The following IL7 variants were observed in gnomAD, a reference collection of about 807,000 sequenced individuals.
IL7 encodes the protein interleukin-7.
A neutral mutation model predicts 21.6 loss-of-function variants in IL7; 3 were observed. That is an observed-to-expected ratio of 0.14 (90% CI 0.06 to 0.36). The LOEUF (loss-of-function observed/expected upper bound fraction) is 0.36, where lower values mean the gene tolerates loss of function less well. Among genes scored for constraint, IL7 ranks in the 10% least tolerant of loss-of-function variants. The pLI is 1.00. For synonymous variants in IL7, 62 were observed against 68.1 expected (o/e 0.91, Z 0.44); for missense variants, 175 against 200.2 (o/e 0.87, Z 0.76).
At chr8:78,702,049 T>A (rs1810623379) in intron 3 of IL7, among the ~76,000 whole-genome samples, 1 of 152,192 alleles carries the variant, frequency 6.6e-6, no homozygotes, top group African/African-American at 2.4e-5. Flanking sequence ...GTAGGAATTG[T>A]ACCAGTTCTT....
At position 78,759,024 on chromosome 8, in the gene IL7, T is replaced by G. The variant is rs916710622; in HGVS notation, c.148-18942A>C. Among the ~76,000 whole-genome samples the G allele has an allele frequency of 1.5e-4, 23 of 151,790 alleles. 1 individual carries two copies. Among genetic ancestry groups the G allele is most frequent in the Admixed American group, 1.5e-3 (23 of 15,238 alleles). The stretch of plus-strand genomic sequence containing the variant: ...TTGCTTTATGGTGTCCTATATGTCA[T>G]TAGGCTTTCTTCATTCTCTTTTATT... On this transcript the variant is annotated intron_variant, in intron 2 of 5. Transcript: ENST00000263851.
At chr8:78,699,840 G>A (rs1320845142) in intron 3 of IL7, among the ~76,000 whole-genome samples, 2 of 152,046 alleles carry the variant, frequency 1.3e-5, no homozygotes, top group African/African-American at 2.4e-5. Context: ...TGGTGTTTAT[G>A]TACTATATTT....
At chr8:78,676,329 T>C (rs1336902659) in intron 4 of IL7, among the ~76,000 whole-genome samples, 1 of 151,964 alleles carries the variant, frequency 6.6e-6, no homozygotes, top group Non-Finnish European at 1.5e-5. Context: ...TCAGCTCTTA[T>C]TTATGTTTGA....
chr8:78,781,281 C>T (rs928898319), intron 2 of IL7, among the ~76,000 whole-genome samples: 4 of 152,186 alleles, frequency 2.6e-5, no homozygotes, highest in Non-Finnish European at 5.9e-5. Flanking sequence ...GGTTATTTTA[C>T]AGACTTGTTG....
intron 5 of IL7, chr8:78,719,529 C>G (rs1811199251): frequency 6.6e-6 from 1 of 151,642 alleles, no homozygotes; most frequent in South Asian, 2.1e-4. Flanking sequence ...AAAAATCTTC[C>G]TATGCATCAT....
At chr8:78,714,676 C>T (rs1371010797), downstream of IL7, among the ~76,000 whole-genome samples, 32 of 152,222 alleles carry the variant, frequency 2.1e-4, no homozygotes, top group South Asian at 2.1e-4. Flanking sequence ...CCTCTGATTT[C>T]GGATAGCCCA....
At chr8:78,684,167 C>G (rs568847059) in intron 4 of IL7, among the ~76,000 whole-genome samples, 1 of 152,172 alleles carries the variant, frequency 6.6e-6, no homozygotes, top group East Asian at 1.9e-4. Context: ...ATAGCAGTAC[C>G]CCACTCCACC....
chr8:78,678,452 G>A, intron 4 of IL7: 2 of 744,248 alleles, frequency 2.7e-6, no homozygotes, highest in African/African-American at 1.8e-5. Context: ...TTTGTATTCA[G>A]GTTTTTCATT....
chr8:78,785,642 G>A (rs879342485), intron 2 of IL7, among the ~76,000 whole-genome samples: 29 of 152,106 alleles, frequency 1.9e-4, no homozygotes, highest in African/African-American at 6.0e-4. Flanking sequence ...CTGTTTCTTC[G>A]TGTCTGCCCC....
chr8:78,784,742 A>G (rs1444761219), intron 2 of IL7, among the ~76,000 whole-genome samples: 40 of 152,084 alleles, frequency 2.6e-4, no homozygotes, highest in Admixed American at 2.6e-3. Flanking sequence ...ATAAAAGAAT[A>G]TAATATATTT....
intron 3 of IL7, among the ~76,000 whole-genome samples, chr8:78,693,546 G>A (rs1810292708): frequency 6.6e-6 from 1 of 152,114 alleles, no homozygotes; most frequent in South Asian, 2.1e-4. Context: ...AGAAGTGTCT[G>A]TTCATATCCT....
chr8:78,732,240 C>A (rs1811438781), downstream of IL7, among the ~76,000 whole-genome samples: 1 of 151,866 alleles, frequency 6.6e-6, no homozygotes, highest in Non-Finnish European at 1.5e-5. Context: ...GATAACCAAA[C>A]AGAAAAAAAT....
intron 2 of IL7, among the ~76,000 whole-genome samples, chr8:78,766,386 C>T (rs1812753901): frequency 6.6e-6 from 1 of 152,074 alleles, no homozygotes; most frequent in South Asian, 2.1e-4. Context: ...GTGATAGCAA[C>T]TGTTGATAGT....
Position 78,687,577 on chromosome 8 carries a change from T to G in IL7, n.215-1630A>C, listed in dbSNP as rs1031425038. Among the ~76,000 whole-genome samples the G allele has an allele frequency of 1.2e-3, 168 of 142,500 alleles. 1 individual carries two copies. Among genetic ancestry groups the G allele is most frequent in the Non-Finnish European group, 2.0e-3 (134 of 65,808 alleles). 93.5% of individuals were successfully genotyped at this position (142,500 alleles called of 152,430 possible). On this transcript the variant is annotated intron_variant and non_coding_transcript_variant, in intron 3 of 4. Coordinates refer to the IL7 transcript ENST00000523959. ...ATATTTACATAATAAATTATATATA[T>G]TTACGTAATAAATTATATATATTTA...
chr8:78,705,662 C>T (rs747680177), intron 3 of IL7, among the ~76,000 whole-genome samples: 1 of 152,092 alleles, frequency 6.6e-6, no homozygotes, highest in Non-Finnish European at 1.5e-5. Flanking sequence ...CTCTCCAAAC[C>T]CCAGAGACTG....
intron 3 of IL7, among the ~76,000 whole-genome samples, chr8:78,690,831 A>G (rs757678003): frequency 6.6e-6 from 1 of 152,164 alleles, no homozygotes; most frequent in Non-Finnish European, 1.5e-5. Context: ...TTCCAAGTAT[A>G]TCATGTATTT....
At chr8:78,801,556 A>G (rs1043339854) in intron 1 of IL7, among the ~76,000 whole-genome samples, 14 of 152,164 alleles carry the variant, frequency 9.2e-5, no homozygotes, top group Non-Finnish European at 2.9e-5. Flanking sequence ...GCCACGATCT[A>G]CTGAGCCTAG....
intron 4 of IL7, chr8:78,678,690 A>G: frequency 6.4e-7 from 1 of 1,571,400 alleles, no homozygotes; most frequent in Admixed American, 1.9e-5. Flanking sequence ...GTAACTATAT[A>G]ACCTTTTGAA....
intron 4 of IL7, chr8:78,678,433 A>G: frequency 1.5e-6 from 1 of 669,822 alleles, no homozygotes; most frequent in Non-Finnish European, 2.6e-6. Flanking sequence ...TATCTTATTT[A>G]TTTATTATTT....
Sources: gnomAD v4.1 joint callset for allele counts (sites outside exome capture counted in the v4.1 genomes callset) on GRCh38, gnomAD v4.1.1 for gene constraint, MANE v1.5 for transcripts, NCBI Gene and HGNC (gene_info 2026-07-23, HGNC 2026-07-21) for gene names.